MAN1A1: variants seen among roughly 807,000 people sequenced by gnomAD.
MAN1A1 encodes mannosidase alpha class 1A member 1.
Under a neutral mutation model 70.8 loss-of-function variants are expected in MAN1A1, and 29 were observed. That is an observed-to-expected ratio of 0.41 (90% CI 0.31 to 0.56). The LOEUF (loss-of-function observed/expected upper bound fraction) is 0.56. Ranked by LOEUF, MAN1A1 falls within the 20% of genes least tolerant of loss-of-function variation. The pLI, the probability that MAN1A1 is intolerant of heterozygous loss-of-function variation, is 0.29. For missense variants in MAN1A1, 747 were observed against 841.3 expected, an observed-to-expected ratio of 0.89 and a Z score of 1.39; for synonymous variants, 349 against 330.1, an observed-to-expected ratio of 1.06 and a Z score of -0.62.
intron 6 of MAN1A1, among the ~76,000 whole-genome samples, chr6:119,211,887 G>T (rs369904642): frequency 4.7e-5 from 7 of 150,066 alleles, no homozygotes; most frequent in African/African-American, 1.7e-4. Flanking sequence ...TGTCACCCAG[G>T]CTGGAGTGCA....
chr6:119,344,233 T>A (rs754038432), intron 2 of MAN1A1, among the ~76,000 whole-genome samples: 29 of 152,210 alleles, frequency 1.9e-4, no homozygotes, highest in Admixed American at 5.9e-4. Context: ...AGAAGCTCCT[T>A]TATATGAATC....
intron 6 of MAN1A1, among the ~76,000 whole-genome samples, chr6:119,206,403 A>G (rs1773861351): frequency 6.6e-6 from 1 of 152,214 alleles, no homozygotes; most frequent in African/African-American, 2.4e-5. Context: ...CTGCTGAGGA[A>G]GAGAGAAACC....
At chr6:119,336,001 T>C (rs929568271) in intron 2 of MAN1A1, among the ~76,000 whole-genome samples, 12 of 152,158 alleles carry the variant, frequency 7.9e-5, no homozygotes, top group African/African-American at 1.9e-4. Context: ...CCTAGCAACA[T>C]GCTAAAAATG....
intron 6 of MAN1A1, among the ~76,000 whole-genome samples, chr6:119,237,027 G>A (rs928452624): frequency 1.3e-5 from 2 of 152,164 alleles, no homozygotes; most frequent in African/African-American, 4.8e-5. Flanking sequence ...AATAGCAAGA[G>A]AACTAGAATT....
At chr6:119,251,458 C>T (rs1297836088) in intron 5 of MAN1A1, among the ~76,000 whole-genome samples, 1 of 152,232 alleles carries the variant, frequency 6.6e-6, no homozygotes, top group African/African-American at 2.4e-5. Flanking sequence ...TCACTCTCTT[C>T]TGCCTCCTTT....
At chr6:119,182,223 G>A (rs1773170272) in intron 11 of MAN1A1, among the ~76,000 whole-genome samples, 1 of 152,082 alleles carries the variant, frequency 6.6e-6, no homozygotes, top group Non-Finnish European at 1.5e-5. Context: ...AAATCAGGTT[G>A]TTTTTCTGCT....
chr6:119,258,536 C>G (rs985949131), intron 5 of MAN1A1, among the ~76,000 whole-genome samples: 3 of 151,980 alleles, frequency 2.0e-5, no homozygotes. Context: ...AATACTGTAC[C>G]ATTTTATATA....
intron 6 of MAN1A1, among the ~76,000 whole-genome samples, chr6:119,237,345 G>C (rs928307432): frequency 1.3e-5 from 2 of 152,138 alleles, no homozygotes; most frequent in Non-Finnish European, 2.9e-5. Flanking sequence ...AATTAAAGCA[G>C]TAAACTTCAT....
intron 8 of MAN1A1, among the ~76,000 whole-genome samples, chr6:119,194,562 A>G (rs78600164): frequency 0.047 from 7,083 of 152,184 alleles, 206 homozygotes; most frequent in East Asian, 0.081. Context: ...GGCCTCAAGC[A>G]ATCCTCCCAC....
At chr6:119,269,253 T>TCTC (rs148054003) in intron 5 of MAN1A1, 8,507 of 278,342 alleles carry the variant, frequency 0.031, 179 homozygotes, top group African/African-American at 0.052. Context: ...ATATTGGCCT[T>TCTC]CTTCCTCTTC....
intron 5 of MAN1A1, among the ~76,000 whole-genome samples, chr6:119,276,666 C>A (rs902597591): frequency 1.3e-5 from 2 of 152,070 alleles, no homozygotes; most frequent in African/African-American, 4.8e-5. Flanking sequence ...CTATAGTAAC[C>A]ACATCAGAGA....
At chr6:119,230,285 G>A (rs1301423603) in intron 6 of MAN1A1, among the ~76,000 whole-genome samples, 4 of 152,174 alleles carry the variant, frequency 2.6e-5, no homozygotes, top group African/African-American at 9.7e-5. Flanking sequence ...AGACAGGGAT[G>A]AGCAGGAACC....
intron 5 of MAN1A1, among the ~76,000 whole-genome samples, chr6:119,265,583 A>G (rs1360746742): frequency 3.9e-5 from 6 of 152,198 alleles, no homozygotes; most frequent in African/African-American, 1.4e-4. Context: ...CACACAGCCT[A>G]AACTTCCTCT....
In MAN1A1 at chr6:119,300,020, C is replaced by T. The variant is rs1264893064; in HGVS notation, c.816+1968G>A. Among the ~76,000 whole-genome samples the T allele has an allele frequency of 7.2e-5, 11 of 152,244 alleles. No individual in the cohort carries two copies. The East Asian group carries it at 1.9e-3, about 27-fold the overall frequency. On this transcript the variant is annotated intron_variant, in intron 4 of 12. Transcript: ENST00000368468. The stretch of plus-strand genomic sequence containing the variant: ...ATGCTACAATTACCAGATGGACCAA[C>T]CCAAGATTCAGTAAGAAACTTGGAC...
intron 6 of MAN1A1, among the ~76,000 whole-genome samples, chr6:119,212,758 TG>T (rs1175230631): frequency 6.6e-6 from 1 of 152,238 alleles, no homozygotes; most frequent in Non-Finnish European, 1.5e-5. Context: ...TTCATCTGAC[TG>T]GTATATGAAA....
intron 8 of MAN1A1, among the ~76,000 whole-genome samples, chr6:119,194,461 C>G (rs986154456): frequency 2.6e-5 from 4 of 152,016 alleles, no homozygotes; most frequent in Admixed American, 1.3e-4. Context: ...GTGGCTGGGA[C>G]TACAGGCACG....
chr6:119,270,368 G>A (rs966727204), intron 5 of MAN1A1, among the ~76,000 whole-genome samples: 9 of 152,118 alleles, frequency 5.9e-5, no homozygotes, highest in Admixed American at 5.2e-4. Context: ...CAGAACTATA[G>A]TGTTTTTCTT....
chr6:119,274,510 A>C (rs1249825073), intron 5 of MAN1A1, among the ~76,000 whole-genome samples: 1 of 152,224 alleles, frequency 6.6e-6, no homozygotes, highest in East Asian at 1.9e-4. Flanking sequence ...TGAAATGACA[A>C]GGTATTACCT....
Position 119,179,780 on chromosome 6 carries a change from G to T in MAN1A1, c.*39C>A. 6.3e-7 allele frequency: 1 copy of T among 1,578,532 alleles called. No homozygotes were observed. Among genetic ancestry groups the T allele is most frequent in the Middle Eastern group, 1.7e-4 (1 of 5,948 alleles). On this transcript the variant is annotated 3_prime_UTR_variant, in exon 13 of 13. Coordinates refer to ENST00000368468, the MANE Select transcript of MAN1A1 (RefSeq NM_005907.4). ...AGAAAAGGAATTATTAAGGTATACA[G>T]TGAAGGGAATGGAGCAGAATAAAAT... is the stretch of plus-strand genomic sequence containing the variant.
Sources: allele counts gnomAD v4.1 joint callset (sites outside exome capture counted in the v4.1 genomes callset), GRCh38; gene constraint gnomAD v4.1.1; transcripts MANE v1.5; gene names NCBI Gene and HGNC (gene_info 2026-07-23, HGNC 2026-07-21).